The following PPM1G variants were observed in gnomAD, a reference collection of about 807,000 sequenced individuals.
PPM1G encodes protein phosphatase 1G.
Under a neutral mutation model 59.4 loss-of-function variants are expected in PPM1G, and 12 were observed. That is an observed-to-expected ratio of 0.20 (90% CI 0.13 to 0.33). The LOEUF is 0.33. PPM1G is among the 10% of genes least tolerant of loss of function. PPM1G has a pLI of 1.00. For synonymous variants in PPM1G, 245 were observed against 251.9 expected (o/e 0.97, Z 0.26); for missense variants, 392 against 681.3 (o/e 0.58, Z 4.73).
intron 1 of PPM1G, 83 bp downstream of exon 1, chr2:27,409,220 A>G: frequency 2.7e-6 from 4 of 1,477,132 alleles, no homozygotes; most frequent in Non-Finnish European, 3.6e-6. Context: ...GACCCTTCCC[A>G]GGGGAGGACC....
chr2:27,381,524 G>A lies in PPM1G; in HGVS notation c.*75C>T. Reference sequence around the variant, plus strand: ...CCTCATACCCACTGCTAAGGCTAAAGGAAAAAGACAAAACTCAGTCTCAGG... The same window carrying A: ...CCTCATACCCACTGCTAAGGCTAAAAGAAAAAGACAAAACTCAGTCTCAGG... On this transcript the variant is annotated 3_prime_UTR_variant, in exon 10 of 10. Transcript: ENST00000344034. 2 of 1,573,346 alleles carry A rather than the reference G, an allele frequency of 1.3e-6. No homozygotes were observed. Among genetic ancestry groups the A allele is most frequent in the Non-Finnish European group, 1.7e-6 (2 of 1,144,654 alleles).
intron 1 of PPM1G, chr2:27,392,865 G>A (rs529878477): frequency 1.4e-5 from 21 of 1,449,012 alleles, no homozygotes; most frequent in Admixed American, 5.0e-5. Flanking sequence ...CTCCCATCTC[G>A]TGCATGTTGG....
chr2:27,384,750 G>C lies in PPM1G; in HGVS notation c.748C>G (p.Arg250Gly). ...TCAAAGAACTTGGACTTAGCAACTC[G>C]AGGCAGCTTGTCAGAGGCTGAAGAG... ...SCSSASDKLP[R>G]VAKSKFFEDS... The change falls in exon 5 of 10, where the codon CGA becomes GGA. Residue 250 changes from arginine (R) to glycine (G), a missense_variant. Physicochemically the swap from Arg to Gly is moderately radical, Grantham distance 125 (BLOSUM62 -2). This residue lies in a region of PPM1G where 188 missense variants were observed against 248.8 expected (regional missense o/e 0.76). Coordinates refer to ENST00000344034, the MANE Select transcript of PPM1G (RefSeq NM_177983.3). This position sits in a 1 kb window ranked among gnomAD's most constrained non-coding sequence, Gnocchi z 4.8. The C allele has an allele frequency of 6.2e-7, 1 of 1,614,154 alleles. No individual in the cohort carries two copies. Among genetic ancestry groups the C allele is most frequent in the South Asian group, 1.1e-5 (1 of 91,076 alleles).
At chr2:27,401,831 A>G (rs1684185658) in intron 1 of PPM1G, among the ~76,000 whole-genome samples, 1 of 152,110 alleles carries the variant, frequency 6.6e-6, no homozygotes, top group Admixed American at 6.6e-5. Flanking sequence ...TGTCTCGAAA[A>G]AAGAAAAAAA....
chr2:27,385,925 C>A lies in PPM1G; in HGVS notation c.277-46G>T. 1 of 1,582,334 alleles carries A rather than the reference C, an allele frequency of 6.3e-7. No individual in the cohort carries two copies. The highest frequency in any genetic ancestry group is 2.2e-5 in the East Asian group (1 of 44,626). On this transcript the variant is annotated intron_variant, in intron 3 of 9. Coordinates refer to ENST00000344034, the MANE Select transcript of PPM1G (RefSeq NM_177983.3). The surrounding 1 kb of genome is among the most constrained non-coding windows in gnomAD (Gnocchi z 4.1). ...CTAAGACTAGTACAAAATGAACTCC[C>A]TATATACAATCCTGAGCACAAGGAT...
chr2:27,386,927 A>G (rs1387121623), intron 2 of PPM1G, 162 bp downstream of exon 2: 5 of 609,408 alleles, frequency 8.2e-6, no homozygotes, highest in Non-Finnish European at 1.5e-5. Flanking sequence ...TACAGTACCT[A>G]CTGGGAAAAA....
At position 27,383,448 on chromosome 2, in the gene PPM1G, T is replaced by C. The variant is rs759338427; in HGVS notation, c.1119A>G (p.Glu373=). 1 of 1,614,196 alleles carries C rather than the reference T, an allele frequency of 6.2e-7. No individual in the cohort carries two copies. Among genetic ancestry groups the C allele is most frequent in the Non-Finnish European group, 8.5e-7 (1 of 1,180,042 alleles). The change falls in exon 7 of 10, where the codon GAA becomes GAG. Residue 373 remains glutamate, a synonymous_variant. Coordinates refer to ENST00000344034, the MANE Select transcript of PPM1G (RefSeq NM_177983.3). This position sits in a 1 kb window ranked among gnomAD's most constrained non-coding sequence, Gnocchi z 5.0. ...SYDHKPEDEV[E]LARIKNAGGK... ...CACCAGCATTCTTGATGCGTGCTAG[T>C]TCTACTTCATCCTCTGGTTTGTGAT... is the stretch of plus-strand genomic sequence containing the variant.
At chr2:27,404,720 G>A (rs762702238) in intron 1 of PPM1G, among the ~76,000 whole-genome samples, 32 of 151,932 alleles carry the variant, frequency 2.1e-4, no homozygotes, top group Non-Finnish European at 4.6e-4. Context: ...CGAGGCGGGC[G>A]GATTAAGAGG....
rs758119996 is a variant in PPM1G, at chr2:27,384,125, T to C, written c.826-33A>G. 6.2e-7 allele frequency: 1 copy of C among 1,613,650 alleles called. No individual in the cohort carries two copies. The highest frequency in any genetic ancestry group is 1.3e-5 in the African/African-American group (1 of 75,036). ...GGGGAGGATCCCAGACTGCTGAGAC[T>C]GGGATGATCCCCTCCCTCCCCACAG... On this transcript the variant is annotated intron_variant, in intron 5 of 9. Coordinates refer to ENST00000344034, the MANE Select transcript of PPM1G (RefSeq NM_177983.3). The surrounding 1 kb of genome is among the most constrained non-coding windows in gnomAD (Gnocchi z 4.8).
chr2:27,393,452 G>A, intron 1 of PPM1G: 1 of 881,988 alleles, frequency 1.1e-6, no homozygotes, highest in Non-Finnish European at 1.8e-6. Context: ...GGCAGTCCGA[G>A]GGCATGGTGA....
intron 1 of PPM1G, 60 bp downstream of exon 1, chr2:27,409,243 C>A: frequency 9.9e-6 from 15 of 1,515,262 alleles, no homozygotes; most frequent in Non-Finnish European, 1.3e-5. Context: ...ATCCCCCGCT[C>A]TCTTTCTCCG....
chr2:27,392,438 G>A (rs1372549000), intron 1 of PPM1G, among the ~76,000 whole-genome samples: 1 of 151,762 alleles, frequency 6.6e-6, no homozygotes, highest in Non-Finnish European at 1.5e-5. Flanking sequence ...GGGATTACAG[G>A]TGTGTGCCAC....
chr2:27,409,432 T>C lies in PPM1G; in HGVS notation c.-10A>G, dbSNP rs970433462. On this transcript the variant is annotated 5_prime_UTR_variant, in exon 1 of 10. Coordinates refer to ENST00000344034, the MANE Select transcript of PPM1G (RefSeq NM_177983.3). ...AGAGGTAGGCACCCATGGCGGCGGC[T>C]GGCCGGCGGCCTCAGGTGCAGGAAA... The C allele has an allele frequency of 1.3e-5, 19 of 1,504,310 alleles. No individual in the cohort carries two copies. In the African/African-American group the frequency reaches 2.8e-4, roughly 22 times the overall value. 93.2% of individuals were successfully genotyped at this position (1,504,310 alleles called of 1,614,324 possible). A position where few individuals can be genotyped will look rare whatever the true frequency, so the allele number is the denominator to read the frequency against.
chr2:27,409,285 G>A lies in PPM1G; in HGVS notation c.120+18C>T. 1.9e-6 allele frequency: 3 copies of A among 1,553,112 alleles called. No homozygotes were observed. The South Asian group carries it at 3.5e-5, about 18-fold the overall frequency. On this transcript the variant is annotated intron_variant, in intron 1 of 9. Transcript: ENST00000344034. ...TCCCGCCCCGCAGCGGCCAGCCTAT[G>A]GGCCCCTGCCTCCTCACCTCCATGG...
chr2:27,393,054 TCCATCGCATTCAGCCCGCTCTC>T, intron 1 of PPM1G: 6 of 1,299,022 alleles, frequency 4.6e-6, no homozygotes, highest in East Asian at 4.6e-5. Context: ...CCAAATGTAA[TCCATCGCATTCAGCCCGCTCTC>T]CCATCGCATT....
In PPM1G at chr2:27,404,935, C is replaced by T. The variant is rs372873322; in HGVS notation, c.120+4368G>A. On this transcript the variant is annotated intron_variant, in intron 1 of 9. Transcript: ENST00000344034. Reference sequence around the variant, plus strand: ...CTCCAGCCTGGGCAACAGTGCAAGACTCCGTCTCGGAGAAAAAAAAAAAAA... The same window carrying T: ...CTCCAGCCTGGGCAACAGTGCAAGATTCCGTCTCGGAGAAAAAAAAAAAAA... Among the ~76,000 whole-genome samples the T allele has an allele frequency of 2.5e-4, 36 of 144,140 alleles. No individual in the cohort carries two copies. The South Asian group carries it at 3.0e-3, about 12-fold the overall frequency. 94.6% of individuals were successfully genotyped at this position (144,140 alleles called of 152,430 possible).
chr2:27,397,148 C>T (rs1434467594), intron 1 of PPM1G, among the ~76,000 whole-genome samples: 3 of 151,916 alleles, frequency 2.0e-5, no homozygotes, highest in Non-Finnish European at 2.9e-5. Context: ...GGATTACAGG[C>T]GTGAGCCACC....
chr2:27,386,137 T>C (rs1271363024), intron 3 of PPM1G, 57 bp downstream of exon 3: 29 of 1,491,064 alleles, frequency 1.9e-5, no homozygotes, highest in Non-Finnish European at 2.7e-5. Flanking sequence ...GCCCAAGGGC[T>C]AGAGAACAAG....
At chr2:27,406,359 A>G (rs1175178301) in intron 1 of PPM1G, among the ~76,000 whole-genome samples, 1 of 152,240 alleles carries the variant, frequency 6.6e-6, no homozygotes, top group African/African-American at 2.4e-5. Context: ...CAAAGAAACT[A>G]TGCTACACTT....
Sources: allele counts gnomAD v4.1 joint callset (sites outside exome capture counted in the v4.1 genomes callset), GRCh38; gene constraint gnomAD v4.1.1; regional missense constraint gnomAD v4.1.1; non-coding constraint Gnocchi (gnomAD v3.1); transcripts MANE v1.5; gene names NCBI Gene and HGNC (gene_info 2026-07-23, HGNC 2026-07-21).